NOC3L: variants seen among roughly 807,000 people sequenced by gnomAD.
NOC3L encodes the protein NOC3 like DNA replication regulator.
A neutral mutation model predicts 102.5 loss-of-function variants in NOC3L; 85 were observed. That is an observed-to-expected ratio of 0.83 (90% CI 0.70 to 0.99). The LOEUF (loss-of-function observed/expected upper bound fraction) is 0.99. Ranked by LOEUF, NOC3L falls within the 50% of genes least tolerant of loss-of-function variation. The pLI is 0.00. For missense variants in NOC3L, 878 were observed against 914.9 expected, an observed-to-expected ratio of 0.96 and a Z score of 0.52; for synonymous variants, 303 against 309.4, an observed-to-expected ratio of 0.98 and a Z score of 0.22.
chr10:94,349,149 T>C, intron 10 of NOC3L, 101 bp downstream of exon 10: 1 of 1,334,632 alleles, frequency 7.5e-7, no homozygotes, highest in Non-Finnish European at 1.0e-6. Context: ...GCTTGAATAC[T>C]TTTTACTTCA....
rs746467300 is a variant in NOC3L, at chr10:94,350,306, G to A, written c.953-18C>T. The A allele has an allele frequency of 6.2e-7, 1 of 1,608,098 alleles. No homozygotes were observed. The highest frequency in any genetic ancestry group is 8.5e-7 in the Non-Finnish European group (1 of 1,175,070). On this transcript the variant is annotated intron_variant, in intron 8 of 20. Coordinates refer to ENST00000371361, the MANE Select transcript of NOC3L (RefSeq NM_022451.11). ...CTTCCAATCTAATCAAAAGATAACT[G>A]TAGTTACTTTACTCATTGGTCAAAA...
Position 94,357,229 on chromosome 10 carries a change from A to G in NOC3L, c.453T>C (p.His151=). 1 of 1,607,254 alleles carries G rather than the reference A, an allele frequency of 6.2e-7. No individual in the cohort carries two copies. The highest frequency in any genetic ancestry group is 8.5e-7 in the Non-Finnish European group (1 of 1,176,524). Residue 151 remains histidine, a synonymous_variant, in exon 4 of 21, where the codon CAT becomes CAC. Coordinates refer to ENST00000371361, the MANE Select transcript of NOC3L (RefSeq NM_022451.11). The part of the protein sequence containing the change: ...LQTAPEKELI[H]LLPIKDKSGI... ...CACTTTTATCTTTGATAGGAAGTAA[A>G]TGAATCAGTTCCTTCTCTGGTGCAG...
intron 18 of NOC3L, among the ~76,000 whole-genome samples, 176 bp from the exon 19 acceptor site, chr10:94,338,050 T>C (rs1301835790): frequency 2.6e-5 from 4 of 152,256 alleles, no homozygotes; most frequent in African/African-American, 7.2e-5. Context: ...TCTTTGCTAA[T>C]AGGATTAAAA....
intron 2 of NOC3L, among the ~76,000 whole-genome samples, chr10:94,358,507 A>G (rs1193963323): frequency 2.0e-5 from 3 of 152,236 alleles, no homozygotes; most frequent in African/African-American, 7.2e-5. Context: ...CTAAATGCCA[A>G]TAGCATTCCC....
chr10:94,332,446 G>C (rs987686586), downstream of NOC3L: 1 of 151,518 alleles, frequency 6.6e-6, no homozygotes, highest in Non-Finnish European at 1.5e-5. Context: ...CTCATTATTT[G>C]TCTAGTTAAA....
chr10:94,337,727 G>A, intron 19 of NOC3L, 50 bp downstream of exon 19: 4 of 1,214,288 alleles, frequency 3.3e-6, no homozygotes, highest in Non-Finnish European at 4.8e-6. Flanking sequence ...ATAGTAAGTG[G>A]CTATCAGCTC....
At chr10:94,362,688 G>T in intron 1 of NOC3L, 142 bp downstream of exon 1, 1 of 825,298 alleles carries the variant, frequency 1.2e-6, no homozygotes, top group Non-Finnish European at 2.0e-6. Context: ...GGATGAGCTC[G>T]GTGTAAGGAA....
rs749266758 is a variant in NOC3L, at chr10:94,355,088, T to C, written c.571A>G (p.Ile191Val). ...EEERELEEEIIEDPIQELTIE... is the reference protein window; with the variant it reads ...EEERELEEEIVEDPIQELTIE... ...GTCAGCTCTTGAATAGGATCTTCAA[T>C]GATCTCTAAAACAGATTAGATGTTC... The change falls in exon 6 of 21, where the codon ATT (isoleucine) becomes GTT (valine). Residue 191 changes from isoleucine (I) to valine (V), a missense_variant. Ile to Val is a conservative substitution (Grantham distance 29, BLOSUM62 3). Transcript: ENST00000371361. The C allele has an allele frequency of 2.5e-5, 41 of 1,610,438 alleles. No homozygotes were observed. In the Admixed American group the frequency reaches 6.8e-4, roughly 27 times the overall value.
chr10:94,361,200 A>G (rs1162391704), intron 2 of NOC3L: 1 of 156,894 alleles, frequency 6.4e-6, no homozygotes, highest in East Asian at 1.9e-4. Context: ...TTACAAAATA[A>G]CCATGACAAT....
At chr10:94,320,447 CCCTGGTTGCAGTTTTGGCGCCA>C in the NOC3L span, among the ~76,000 whole-genome samples, 2 of 152,186 alleles carry the variant, frequency 1.3e-5, no homozygotes, top group Non-Finnish European at 2.9e-5. Context: ...TCCTTTCTGG[CCCTGGTTGCAGTTTTGGCGCCA>C]CCTGGTGGCA....
Position 94,340,245 on chromosome 10 carries a change from T to C in NOC3L, c.1780+31A>G, listed in dbSNP as rs374736058. On this transcript the variant is annotated intron_variant, in intron 16 of 20. Transcript: ENST00000371361. Reference sequence around the variant, plus strand: ...AACATATTCTTAAAACATAAATACATATAAAAGAAACATTATCTAAACATA... The same window carrying C: ...AACATATTCTTAAAACATAAATACACATAAAAGAAACATTATCTAAACATA... 6.5e-6 allele frequency: 10 copies of C among 1,530,000 alleles called. No individual in the cohort carries two copies. The African/African-American group carries it at 9.6e-5, about 15-fold the overall frequency. The allele number at this position is 1,530,000 out of a possible 1,614,324, so 94.8% of individuals were successfully genotyped here.
intron 9 of NOC3L, 77 bp from the exon 10 acceptor site, chr10:94,349,455 T>C: frequency 7.5e-7 from 1 of 1,327,686 alleles, no homozygotes; most frequent in Non-Finnish European, 1.0e-6. Context: ...CAGAATTCTT[T>C]GTTGTAGGGG....
chr10:94,355,476 C>T (rs893947616), intron 5 of NOC3L, among the ~76,000 whole-genome samples: 2 of 151,914 alleles, frequency 1.3e-5, no homozygotes, highest in Admixed American at 6.6e-5. Context: ...CTACAGCCTC[C>T]ACCTCCCAGG....
At chr10:94,357,815 T>G in intron 3 of NOC3L, 1 of 405,956 alleles carries the variant, frequency 2.5e-6, no homozygotes, top group Non-Finnish European at 4.4e-6. Context: ...AACTCAGAAC[T>G]GTTCTGCCAC....
Position 94,356,551 on chromosome 10 carries a change from C to CT in NOC3L, c.548dup (p.Arg184GlufsTer4), listed in dbSNP as rs1564917625. The CT allele has an allele frequency of 6.3e-7, 1 of 1,584,694 alleles. No homozygotes were observed. ...ACATATTACCTTCCTCAAGTTCCCT[C>CT]TCTTCTTCTTGATCCTCTTCATCTT... On this transcript the variant is annotated frameshift_variant, in exon 5 of 21. Transcript: ENST00000371361. LOFTEE classifies it high-confidence loss of function.
chr10:94,359,950 A>G (rs1327181505), intron 2 of NOC3L, among the ~76,000 whole-genome samples: 1 of 152,218 alleles, frequency 6.6e-6, no homozygotes, highest in African/African-American at 2.4e-5. Context: ...CTGCACTCCC[A>G]TGTTCATTCA....
At chr10:94,331,528 T>C (rs1038874248), downstream of NOC3L, 1 of 152,234 alleles carries the variant, frequency 6.6e-6, no homozygotes, top group Non-Finnish European at 1.5e-5. Flanking sequence ...TCCTGGCTGG[T>C]GTCTTTGATC....
Position 94,334,908 on chromosome 10 carries a change from T to A in NOC3L, c.2190-190A>T, listed in dbSNP as rs542020607. ...GTAATGTCAACATTATCCAACTAAA[T>A]CCACCTCAGAGAGGTTTGGTATACA... On this transcript the variant is annotated intron_variant, in intron 19 of 20. Coordinates refer to ENST00000371361, the MANE Select transcript of NOC3L (RefSeq NM_022451.11). Among the ~76,000 whole-genome samples, 4 of 152,306 alleles carry A rather than the reference T, an allele frequency of 2.6e-5. No individual in the cohort carries two copies. The South Asian group carries it at 8.3e-4, about 32-fold the overall frequency.
chr10:94,362,294 T>C (rs1228812826), intron 1 of NOC3L, among the ~76,000 whole-genome samples: 2 of 152,244 alleles, frequency 1.3e-5, no homozygotes, highest in African/African-American at 4.8e-5. Context: ...TACTGACTGC[T>C]GTTATCCTCA....
Sources: gnomAD v4.1 joint callset for allele counts (sites outside exome capture counted in the v4.1 genomes callset) on GRCh38, gnomAD v4.1.1 for gene constraint, MANE v1.5 for transcripts, NCBI Gene and HGNC (gene_info 2026-07-23, HGNC 2026-07-21) for gene names.